UBQLN1: variants seen among roughly 807,000 people sequenced by gnomAD.
UBQLN1 encodes ubiquilin-1.
A neutral mutation model predicts 65.4 loss-of-function variants in UBQLN1; 13 were observed. The observed-to-expected ratio is 0.20, with a 90% CI of 0.13 to 0.32. The LOEUF is 0.32. UBQLN1 is among the 10% of genes least tolerant of loss of function. The pLI is 1.00. For synonymous variants in UBQLN1, 267 were observed against 247.8 expected (o/e 1.08, Z -0.73); for missense variants, 561 against 724.0 (o/e 0.77, Z 2.58).
chr9:83,679,625 A>AT, intron 4 of UBQLN1, 150 bp downstream of exon 4: 1 of 777,752 alleles, frequency 1.3e-6, no homozygotes, highest in Non-Finnish European at 1.9e-6. Flanking sequence ...AAACAGCCAA[A>AT]TTAGCGCTTT....
At position 83,683,036 on chromosome 9, in the gene UBQLN1, A is replaced by G. The variant is rs756390665; in HGVS notation, c.363T>C (p.Asn121=). 7.4e-6 allele frequency: 12 copies of G among 1,611,802 alleles called. No individual in the cohort carries two copies. Among genetic ancestry groups the G allele is most frequent in the Non-Finnish European group, 1.0e-5 (12 of 1,179,652 alleles). The change falls in exon 3 of 11, where the codon AAT becomes AAC. Residue 121 remains asparagine, a synonymous_variant. Transcript: ENST00000376395. ...ATGTAGTAACATTGCTTCCAGCTGT[A>G]TTTGTTTGCTGAGCTGAATGATCCT... is the stretch of plus-strand genomic sequence containing the variant. ...RPQDHSAQQT[N]TAGSNVTTSS...
At chr9:83,663,504 T>C (rs920981523) in intron 10 of UBQLN1, among the ~76,000 whole-genome samples, 1 of 152,218 alleles carries the variant, frequency 6.6e-6, no homozygotes, top group African/African-American at 2.4e-5. Flanking sequence ...ACAGCTGCCC[T>C]GGAGGTACTT....
intron 3 of UBQLN1, among the ~76,000 whole-genome samples, chr9:83,682,631 A>G (rs535415812): frequency 6.6e-6 from 1 of 152,330 alleles, no homozygotes; most frequent in East Asian, 1.9e-4. Context: ...TACAAATGAA[A>G]AAATTATTAT....
At chr9:83,674,929 G>A (rs1831805607) in intron 6 of UBQLN1, among the ~76,000 whole-genome samples, 1 of 152,138 alleles carries the variant, frequency 6.6e-6, no homozygotes, top group Non-Finnish European at 1.5e-5. Context: ...GCAAAAACGT[G>A]CAGAATTAAA....
chr9:83,703,106 G>A (rs572491302), intron 1 of UBQLN1, among the ~76,000 whole-genome samples: 1 of 151,688 alleles, frequency 6.6e-6, no homozygotes, highest in East Asian at 1.9e-4. Flanking sequence ...TATCTTGCTC[G>A]TGGATACTTG....
chr9:83,683,979 C>T (rs915777080), intron 2 of UBQLN1, among the ~76,000 whole-genome samples: 1 of 151,928 alleles, frequency 6.6e-6, no homozygotes, highest in Non-Finnish European at 1.5e-5. Flanking sequence ...CAAGATTGCG[C>T]CACTGCACTC....
At chr9:83,697,761 A>C (rs1832243925) in intron 1 of UBQLN1, among the ~76,000 whole-genome samples, 1 of 124,726 alleles carries the variant, frequency 8.0e-6, no homozygotes, top group South Asian at 2.5e-4. Context: ...TTTGAGACGA[A>C]GTCTCACTCT....
chr9:83,674,498 A>C (rs961388466), intron 6 of UBQLN1, among the ~76,000 whole-genome samples: 1 of 152,188 alleles, frequency 6.6e-6, no homozygotes, highest in African/African-American at 2.4e-5. Context: ...CTGCAACCAA[A>C]GTTAAGTTTC....
intron 8 of UBQLN1, 122 bp downstream of exon 8, chr9:83,666,228 A>G: frequency 2.4e-6 from 2 of 824,516 alleles, no homozygotes; most frequent in South Asian, 3.3e-5. Flanking sequence ...ACGAATTGAC[A>G]GCATTATTGG....
chr9:83,690,267 G>T (rs1483442315), intron 1 of UBQLN1, among the ~76,000 whole-genome samples: 1 of 152,106 alleles, frequency 6.6e-6, no homozygotes, highest in Admixed American at 6.5e-5. Flanking sequence ...GACAACAAAT[G>T]AACTACTGCC....
At chr9:83,681,377 G>C (rs192290555) in intron 3 of UBQLN1, among the ~76,000 whole-genome samples, 1 of 152,212 alleles carries the variant, frequency 6.6e-6, no homozygotes, top group African/African-American at 2.4e-5. Flanking sequence ...CAACAAGAAA[G>C]ACATCCTCAG....
rs1204914458 is a variant in UBQLN1 at position 83,682,999 on chromosome 9, T to G, written c.400A>C (p.Asn134His). ...GCAGAACCAGATGTAGAGTTACTATTAGGAGTTGATGATGTAGTAACATTG... is the reference window on the plus strand; with the variant it reads ...GCAGAACCAGATGTAGAGTTACTATGAGGAGTTGATGATGTAGTAACATTG... ...GSNVTTSSTP[N>H]SNSTSGSATS... is the part of the protein sequence containing the mutation. The change falls in exon 3 of 11, where the codon AAT (asparagine) becomes CAT (histidine). Residue 134 changes from asparagine (N) to histidine (H), a missense_variant. Coordinates refer to ENST00000376395, the MANE Select transcript of UBQLN1 (RefSeq NM_013438.5). 2 of 1,612,614 alleles carry G rather than the reference T, an allele frequency of 1.2e-6. No homozygotes were observed. Among genetic ancestry groups the G allele is most frequent in the African/African-American group, 1.3e-5 (1 of 74,886 alleles).
rs1227183799 is a variant in UBQLN1, at chr9:83,678,461, G to A, written c.850C>T (p.Leu284=). The A allele has an allele frequency of 1.2e-6, 2 of 1,613,144 alleles. No individual in the cohort carries two copies. The highest frequency in any genetic ancestry group is 2.2e-5 in the East Asian group (1 of 44,870). ...RMYTDIQEPM[L]SAAQEQFGGN... ...ATCACCTGCTCTTGTGCAGCACTCA[G>A]CATTGGTTCCTGAATATCTGTGTAC... The change falls in exon 5 of 11, where the codon CTG becomes TTG. Residue 284 remains leucine (L), a synonymous_variant. Coordinates refer to ENST00000376395, the MANE Select transcript of UBQLN1 (RefSeq NM_013438.5).
intron 8 of UBQLN1, 33 bp from the exon 9 acceptor site, chr9:83,665,178 G>A (rs373072944): frequency 4.4e-5 from 66 of 1,494,246 alleles, no homozygotes; most frequent in Admixed American, 5.9e-5. Context: ...GGTTACAAAG[G>A]AATTAAAATC....
At chr9:83,686,955 C>T (rs557292966) in intron 1 of UBQLN1, among the ~76,000 whole-genome samples, 2 of 151,820 alleles carry the variant, frequency 1.3e-5, no homozygotes, top group African/African-American at 4.8e-5. Flanking sequence ...TGAGACACTT[C>T]TGGTCCCAAG....
rs1385825850 is a variant in UBQLN1, at chr9:83,660,207, A to G, written c.*1580T>C. ...GGGAAAGTGTCAGAACAGTGCAAGG[A>G]CTGGTGGGTAACCTGGCCTCTTAAC... On this transcript the variant is annotated 3_prime_UTR_variant, in exon 11 of 11. Coordinates refer to ENST00000376395, the MANE Select transcript of UBQLN1 (RefSeq NM_013438.5). 2.0e-5 allele frequency: 3 copies of G among 152,632 alleles called. No homozygotes were observed. Among genetic ancestry groups the G allele is most frequent in the Non-Finnish European group, 4.4e-5 (3 of 68,032 alleles). The allele number at this position is 152,632 out of a possible 1,614,324, so 9.5% of individuals were successfully genotyped here. A position where few individuals can be genotyped will look rare whatever the true frequency, so the allele number is the denominator to read the frequency against.
intron 1 of UBQLN1, among the ~76,000 whole-genome samples, chr9:83,704,479 A>T (rs1832363484): frequency 6.6e-6 from 1 of 152,162 alleles, no homozygotes; most frequent in African/African-American, 2.4e-5. Flanking sequence ...ATTTAAAAAT[A>T]AACTACCATC....
At position 83,664,903 on chromosome 9, in the gene UBQLN1, G is replaced by T. The variant is rs537527117; in HGVS notation, c.1448+127C>A. The T allele has an allele frequency of 1.6e-5, 10 of 633,924 alleles. No homozygotes were observed. In the East Asian group the frequency reaches 3.6e-4, roughly 23 times the overall value. 39.3% of individuals were successfully genotyped at this position (633,924 alleles called of 1,614,324 possible). ...CCCCACACTCATAGCCTAGGCGAAGGGCGAGACCCTGTATCCCACCAAAAA... is the reference window on the plus strand; with the variant it reads ...CCCCACACTCATAGCCTAGGCGAAGTGCGAGACCCTGTATCCCACCAAAAA... On this transcript the variant is annotated intron_variant, in intron 9 of 10. Coordinates refer to ENST00000376395, the MANE Select transcript of UBQLN1 (RefSeq NM_013438.5).
At chr9:83,705,855 A>G (rs541896089) in intron 1 of UBQLN1, among the ~76,000 whole-genome samples, 1 of 146,638 alleles carries the variant, frequency 6.8e-6, no homozygotes, top group Non-Finnish European at 1.5e-5. Context: ...CTTACCCAGA[A>G]AAATACACAC....
Sources: gnomAD v4.1 joint callset for allele counts (sites outside exome capture counted in the v4.1 genomes callset) on GRCh38, gnomAD v4.1.1 for gene constraint, MANE v1.5 for transcripts, NCBI Gene and HGNC (gene_info 2026-07-23, HGNC 2026-07-21) for gene names.